RAD18: variants seen among roughly 807,000 people sequenced by gnomAD.
RAD18 encodes the protein E3 ubiquitin-protein ligase RAD18.
In RAD18, 47 loss-of-function variants were observed where a neutral mutation model predicts 60.4. The observed-to-expected ratio is 0.78, with a 90% CI of 0.62 to 0.99. The LOEUF is 0.99. Ranked by LOEUF, RAD18 falls within the 50% of genes least tolerant of loss-of-function variation. The pLI is 0.00. For synonymous variants in RAD18, 225 were observed against 195.5 expected, an observed-to-expected ratio of 1.15 and a Z score of -1.26; for missense variants, 640 against 593.3, an observed-to-expected ratio of 1.08 and a Z score of -0.82.
At chr3:8,949,255 A>C (rs112518128) in intron 2 of RAD18, among the ~76,000 whole-genome samples, 311 of 152,330 alleles carry the variant, frequency 2.0e-3, no homozygotes, top group African/African-American at 7.2e-3. Flanking sequence ...CTTACTAATT[A>C]CCTAAGCTAA....
intron 9 of RAD18, among the ~76,000 whole-genome samples, chr3:8,910,979 A>G (rs2125054370): frequency 6.6e-6 from 1 of 152,348 alleles, no homozygotes; most frequent in South Asian, 2.1e-4. Flanking sequence ...GCTCTTTTAT[A>G]TGATAAGGCT....
chr3:8,963,422 T>G lies in RAD18; in HGVS notation c.-37A>C. The G allele has an allele frequency of 1.3e-6, 2 of 1,552,650 alleles. No individual in the cohort carries two copies. The highest frequency in any genetic ancestry group is 1.8e-6 in the Non-Finnish European group (2 of 1,141,192). ...AGGATGCTGGGGGTCAGCCACCCACTAGCCTCCGGCGCTCCAACACCACTC... is the reference window on the plus strand; with the variant it reads ...AGGATGCTGGGGGTCAGCCACCCACGAGCCTCCGGCGCTCCAACACCACTC... On this transcript the variant is annotated 5_prime_UTR_variant, in exon 1 of 13. Coordinates refer to ENST00000264926, the MANE Select transcript of RAD18 (RefSeq NM_020165.4).
intron 2 of RAD18, among the ~76,000 whole-genome samples, chr3:8,956,704 A>AT (rs1941019373): frequency 6.6e-6 from 1 of 151,880 alleles, no homozygotes. Flanking sequence ...GAGCATCTCC[A>AT]TAACTGCAGA....
intron 8 of RAD18, among the ~76,000 whole-genome samples, chr3:8,912,814 C>T (rs999696748): frequency 6.6e-6 from 1 of 152,076 alleles, no homozygotes; most frequent in Admixed American, 6.5e-5. Context: ...TGCAATAATA[C>T]AAAACACAGT....
At position 8,879,804 on chromosome 3, in the gene RAD18, G is replaced by A. The variant is rs773448895; in HGVS notation, c.*1553C>T. ...ATAGATAACCAAATATTTGCTGAAT[G>A]AACTCATGTGCCTACTTTCCCAATC... On this transcript the variant is annotated 3_prime_UTR_variant, in exon 13 of 13. Transcript: ENST00000264926. 1 of 152,218 alleles carries A rather than the reference G, an allele frequency of 6.6e-6. No individual in the cohort carries two copies. Among genetic ancestry groups the A allele is most frequent in the Non-Finnish European group, 1.5e-5 (1 of 68,042 alleles). The allele number at this position is 152,218 out of a possible 1,614,324, so 9.4% of individuals were successfully genotyped here. A position where few individuals can be genotyped will look rare whatever the true frequency, so the allele number is the denominator to read the frequency against.
intron 11 of RAD18, among the ~76,000 whole-genome samples, chr3:8,890,905 T>C (rs57100232): frequency 0.04 from 6,056 of 152,122 alleles, 411 homozygotes; most frequent in African/African-American, 0.14. Flanking sequence ...CTTCTTTACC[T>C]GATGTGCTTA....
rs45568733 is a variant in RAD18 at position 8,942,925 on chromosome 3, G to A, written c.267-1121C>T. Among the ~76,000 whole-genome samples the A allele has an allele frequency of 1.3e-3, 197 of 152,324 alleles. 4 individuals carry two copies. Among genetic ancestry groups the A allele is most frequent in the Admixed American group, 0.011 (164 of 15,306 alleles). ...GCTGGAAAGTTAGTTGTTCGCATTGGAGCCCAGCCAAAGCTGAGAAATCTT... is the reference window on the plus strand; with the variant it reads ...GCTGGAAAGTTAGTTGTTCGCATTGAAGCCCAGCCAAAGCTGAGAAATCTT... On this transcript the variant is annotated intron_variant, in intron 4 of 12. Coordinates refer to ENST00000264926, the MANE Select transcript of RAD18 (RefSeq NM_020165.4).
At chr3:8,889,330 C>G (rs1939640169) in intron 12 of RAD18, among the ~76,000 whole-genome samples, 1 of 152,142 alleles carries the variant, frequency 6.6e-6, no homozygotes, top group Non-Finnish European at 1.5e-5. Context: ...CCTCAGTTTC[C>G]TCACTGTAAA....
rs1939411628 is a variant in RAD18, at chr3:8,878,944, T to A, written c.*2413A>T. 6.6e-6 allele frequency: 1 copy of A among 152,252 alleles called. No homozygotes were observed. Among genetic ancestry groups the A allele is most frequent in the African/African-American group, 2.4e-5 (1 of 41,476 alleles). 9.4% of individuals were successfully genotyped at this position (152,252 alleles called of 1,614,324 possible). On this transcript the variant is annotated 3_prime_UTR_variant, in exon 13 of 13. Transcript: ENST00000264926. ...AAGGTGAATTTTAGAACCAGAAGTT[T>A]ATCAGTTTCAATTTTGGATCTATTA...
intron 8 of RAD18, among the ~76,000 whole-genome samples, 191 bp downstream of exon 8, chr3:8,913,453 T>C (rs890247291): frequency 6.6e-6 from 1 of 152,154 alleles, no homozygotes. Context: ...CTACTTTGGA[T>C]TGCATTTTGT....
rs560845149 is a variant in RAD18 at position 8,952,794 on chromosome 3, G to C, written c.134-4224C>G. ...GAAGAAAAATGAAGCACAGGGCTCA[G>C]CCAACTTGCCAAAGATAATGGAACT... On this transcript the variant is annotated intron_variant, in intron 2 of 12. Coordinates refer to ENST00000264926, the MANE Select transcript of RAD18 (RefSeq NM_020165.4). Among the ~76,000 whole-genome samples, 6 of 152,274 alleles carry C rather than the reference G, an allele frequency of 3.9e-5. No individual in the cohort carries two copies. The South Asian group carries it at 8.3e-4, about 21-fold the overall frequency.
At chr3:8,883,901 T>C (rs931913551) in intron 12 of RAD18, among the ~76,000 whole-genome samples, 2 of 152,154 alleles carry the variant, frequency 1.3e-5, no homozygotes, top group African/African-American at 4.8e-5. Context: ...CACCCTTAGA[T>C]AAAAGGCTTT....
intron 8 of RAD18, 29 bp downstream of exon 8, chr3:8,913,615 C>A: frequency 2.8e-6 from 4 of 1,426,940 alleles, no homozygotes; most frequent in Middle Eastern, 1.8e-4. Flanking sequence ...TCATTTCTAT[C>A]CATATACTGA....
At chr3:8,930,095 CAT>C (rs1940525097) in intron 7 of RAD18, among the ~76,000 whole-genome samples, 2 of 152,138 alleles carry the variant, frequency 1.3e-5, no homozygotes, top group Admixed American at 6.6e-5. Context: ...GAAATGAAAA[CAT>C]ATGTCGACAT....
chr3:8,923,961 T>C (rs535470647), intron 7 of RAD18, among the ~76,000 whole-genome samples: 5,494 of 152,236 alleles, frequency 0.036, 347 homozygotes, highest in African/African-American at 0.12. Context: ...TGCAAAAACA[T>C]GCCAAATTGT....
intron 6 of RAD18, among the ~76,000 whole-genome samples, chr3:8,937,068 C>A: frequency 6.6e-6 from 1 of 152,098 alleles, no homozygotes; most frequent in East Asian, 1.9e-4. Flanking sequence ...GTGAAAAGAC[C>A]TGCAAACTCT....
chr3:8,927,192 T>A (rs183513217), intron 7 of RAD18, among the ~76,000 whole-genome samples: 1 of 152,064 alleles, frequency 6.6e-6, no homozygotes, highest in Non-Finnish European at 1.5e-5. Flanking sequence ...GAATCTACAA[T>A]GAACTCCAAC....
Position 8,949,813 on chromosome 3 carries a change from G to A in RAD18, c.134-1243C>T, listed in dbSNP as rs188019586. On this transcript the variant is annotated intron_variant, in intron 2 of 12. Coordinates refer to ENST00000264926, the MANE Select transcript of RAD18 (RefSeq NM_020165.4). ...GAGCTGTAATTGACGAATTGCTGGC[G>A]GCTCAGTGTGGGCAAGTCTGAGAGT... Among the ~76,000 whole-genome samples the A allele has an allele frequency of 2.6e-5, 4 of 152,234 alleles. No homozygotes were observed. The East Asian group carries it at 7.7e-4, about 29-fold the overall frequency.
intron 12 of RAD18, among the ~76,000 whole-genome samples, chr3:8,886,530 G>A (rs1939568548): frequency 1.3e-5 from 2 of 152,172 alleles, no homozygotes; most frequent in Admixed American, 1.3e-4. Flanking sequence ...CATAAACACT[G>A]ACTGACTGAC....
Sources: gnomAD v4.1 joint callset for allele counts (sites outside exome capture counted in the v4.1 genomes callset) on GRCh38, gnomAD v4.1.1 for gene constraint, MANE v1.5 for transcripts, NCBI Gene and HGNC (gene_info 2026-07-23, HGNC 2026-07-21) for gene names.